BCAS3: variants seen among roughly 807,000 people sequenced by gnomAD.
BCAS3 encodes BCAS3 microtubule associated cell migration factor, also known as BCAS4/BCAS3 fusion.
In BCAS3, 53 loss-of-function variants were observed where a neutral mutation model predicts 116.1. That is an observed-to-expected ratio of 0.46 (90% CI 0.37 to 0.57). The LOEUF (loss-of-function observed/expected upper bound fraction) is 0.57. Among genes scored for constraint, BCAS3 ranks in the 20% least tolerant of loss-of-function variants. The probability of loss-of-function intolerance (pLI) is 0.00; values close to 1 mark genes in which losing one functional copy is unlikely to be tolerated. For missense variants in BCAS3, 917 were observed against 1,165.4 expected, an observed-to-expected ratio of 0.79 and a Z score of 3.10; for synonymous variants, 391 against 408.2, an observed-to-expected ratio of 0.96 and a Z score of 0.51.
chr17:61,022,613 A>T (rs2065958115), intron 16 of BCAS3, among the ~76,000 whole-genome samples: 1 of 152,134 alleles, frequency 6.6e-6, no homozygotes, highest in South Asian at 2.1e-4. Context: ...TGTTATGTTC[A>T]TCTCTTTTTT....
chr17:61,221,601 C>G (rs963500288), intron 22 of BCAS3, among the ~76,000 whole-genome samples: 4 of 152,140 alleles, frequency 2.6e-5, no homozygotes, highest in African/African-American at 9.7e-5. Flanking sequence ...AGTCTGTTTC[C>G]CCTTCACTTT....
rs764010859 is a variant in BCAS3, at chr17:61,324,104, A to G, written c.2426-44223A>G. On this transcript the variant is annotated intron_variant, in intron 22 of 23. Coordinates refer to ENST00000407086, the MANE Select transcript of BCAS3 (RefSeq NM_017679.5). This position sits in a 1 kb window ranked among gnomAD's most constrained non-coding sequence, Gnocchi z 4.6. ...AACCCTCTGCTAGATCACTTAGCAC[A>G]TGGGACATACTGGGACTCTTCCCAT... Among the ~76,000 whole-genome samples, 2 of 152,212 alleles carry G rather than the reference A, an allele frequency of 1.3e-5. No individual in the cohort carries two copies. Among genetic ancestry groups the G allele is most frequent in the Admixed American group, 6.5e-5 (1 of 15,284 alleles).
intron 14 of BCAS3, among the ~76,000 whole-genome samples, chr17:60,955,335 T>C (rs2061064132): frequency 6.6e-6 from 1 of 151,998 alleles, no homozygotes; most frequent in South Asian, 2.1e-4. Context: ...CCATTTTGGT[T>C]TCACTGATTG....
intron 7 of BCAS3, among the ~76,000 whole-genome samples, chr17:60,849,409 CT>C (rs1401965070): frequency 6.6e-6 from 1 of 151,920 alleles, no homozygotes; most frequent in Non-Finnish European, 1.5e-5. Context: ...TCCATGTACA[CT>C]TTCTGTTTTT....
At chr17:60,822,878 C>T (rs530514559) in intron 7 of BCAS3, among the ~76,000 whole-genome samples, 78 of 152,278 alleles carry the variant, frequency 5.1e-4, no homozygotes, top group Non-Finnish European at 8.1e-4. Context: ...GTGAAACCAC[C>T]ATAGTCATTA....
chr17:60,785,673 A>C (rs1242333195), intron 6 of BCAS3, among the ~76,000 whole-genome samples: 1 of 152,192 alleles, frequency 6.6e-6, no homozygotes, highest in Non-Finnish European at 1.5e-5. Flanking sequence ...AATTTACATG[A>C]AGTATTGAGT....
intron 22 of BCAS3, among the ~76,000 whole-genome samples, chr17:61,187,771 A>G (rs1033457016): frequency 6.6e-6 from 1 of 152,096 alleles, no homozygotes. Flanking sequence ...TTTGAGGTTA[A>G]GAGTGGATGG....
At chr17:60,733,082 A>C (rs2040620804) in intron 5 of BCAS3, among the ~76,000 whole-genome samples, 1 of 152,204 alleles carries the variant, frequency 6.6e-6, no homozygotes. Context: ...TCATTTATTG[A>C]GTGCCAATTA....
At chr17:60,752,231 A>T (rs1170122219) in intron 6 of BCAS3, among the ~76,000 whole-genome samples, 1 of 151,220 alleles carries the variant, frequency 6.6e-6, no homozygotes, top group African/African-American at 2.4e-5. Context: ...ACATTGTTTT[A>T]TTTCAGAACT....
At position 61,112,766 on chromosome 17, in the gene BCAS3, G is replaced by A. The variant is rs1405388244; in HGVS notation, c.2425+28202G>A. 4.0e-5 allele frequency among the ~76,000 whole-genome samples: 6 copies of A among 151,312 alleles called. No homozygotes were observed. In the East Asian group the frequency reaches 5.8e-4, roughly 15 times the overall value. On this transcript the variant is annotated intron_variant, in intron 22 of 23. Coordinates refer to ENST00000407086, the MANE Select transcript of BCAS3 (RefSeq NM_017679.5). ...TAGACATCTACAGAACTCTCCACCC[G>A]AAATCAACAGAATATACATTTTTTT... is the stretch of plus-strand genomic sequence containing the variant.
chr17:60,738,343 C>G (rs545175056), intron 5 of BCAS3, among the ~76,000 whole-genome samples: 1 of 152,278 alleles, frequency 6.6e-6, no homozygotes, highest in African/African-American at 2.4e-5. Context: ...ATCTCTTTCT[C>G]TTTGTCAATT....
intron 22 of BCAS3, among the ~76,000 whole-genome samples, chr17:61,166,395 T>C (rs1349872542): frequency 7.9e-6 from 1 of 125,792 alleles, no homozygotes; most frequent in Non-Finnish European, 1.7e-5. Flanking sequence ...CTCTCTCTTT[T>C]TTTTTTTTTT....
In BCAS3 at chr17:61,065,576, G is replaced by T. The variant is rs570740641; in HGVS notation, c.2030-9344G>T. ...CAAATTTCTCTGTTGCTAGAAAAAG[G>T]AATGTTGTTCCTCTAAATAACCTAA... On this transcript the variant is annotated intron_variant, in intron 19 of 23. Coordinates refer to ENST00000407086, the MANE Select transcript of BCAS3 (RefSeq NM_017679.5). The surrounding 1 kb of genome is among the most constrained non-coding windows in gnomAD (Gnocchi z 4.8). Among the ~76,000 whole-genome samples the T allele has an allele frequency of 6.6e-6, 1 of 152,308 alleles. No homozygotes were observed. The highest frequency in any genetic ancestry group is 2.4e-5 in the African/African-American group (1 of 41,576).
chr17:61,316,028 G>A lies in BCAS3; in HGVS notation c.2426-52299G>A, dbSNP rs2054703146. Among the ~76,000 whole-genome samples the A allele has an allele frequency of 6.6e-6, 1 of 152,196 alleles. No homozygotes were observed. The highest frequency in any genetic ancestry group is 1.5e-5 in the Non-Finnish European group (1 of 68,036). On this transcript the variant is annotated intron_variant, in intron 22 of 23. Coordinates refer to ENST00000407086, the MANE Select transcript of BCAS3 (RefSeq NM_017679.5). This position sits in a 1 kb window ranked among gnomAD's most constrained non-coding sequence, Gnocchi z 5.8. Reference sequence around the variant, plus strand: ...GACCATCTATAGCAGGTGCTGGCCAGGCGTGGTGGCTCACACCTTTGATCC... The same window carrying A: ...GACCATCTATAGCAGGTGCTGGCCAAGCGTGGTGGCTCACACCTTTGATCC...
At position 61,278,708 on chromosome 17, in the gene BCAS3, T is replaced by C. The variant is rs77990850; in HGVS notation, c.2426-89619T>C. Among the ~76,000 whole-genome samples the C allele has an allele frequency of 0.022, 3,369 of 152,156 alleles. 130 individuals carry two copies. The highest frequency in any genetic ancestry group is 0.076 in the African/African-American group (3,145 of 41,490). ...CTGCAGCAAAGATCAGCCTTGAAAA[T>C]ATTTGTGACTGGAAGAACCAGCCAG... On this transcript the variant is annotated intron_variant, in intron 22 of 23. Transcript: ENST00000407086. The surrounding 1 kb of genome is among the most constrained non-coding windows in gnomAD (Gnocchi z 5.8).
At chr17:61,143,665 C>G (rs2077043683) in intron 22 of BCAS3, among the ~76,000 whole-genome samples, 4 of 152,158 alleles carry the variant, frequency 2.6e-5, no homozygotes, top group Middle Eastern at 3.4e-3. Context: ...AAAAATTAGC[C>G]CGGCATGGTG....
Position 61,302,192 on chromosome 17 carries a change from G to A in BCAS3, c.2426-66135G>A, listed in dbSNP as rs954451089. Among the ~76,000 whole-genome samples the A allele has an allele frequency of 1.3e-5, 2 of 152,072 alleles. No individual in the cohort carries two copies. The highest frequency in any genetic ancestry group is 4.8e-5 in the African/African-American group (2 of 41,426). ...ACTCCCCCCTCCCCCGACTCCCAGG[G>A]TTCTCCTGTTCTCTCTGGTGTATTA... On this transcript the variant is annotated intron_variant, in intron 22 of 23. Coordinates refer to ENST00000407086, the MANE Select transcript of BCAS3 (RefSeq NM_017679.5). The surrounding 1 kb of genome is among the most constrained non-coding windows in gnomAD (Gnocchi z 4.4).
intron 6 of BCAS3, among the ~76,000 whole-genome samples, chr17:60,770,962 T>C (rs1340997770): frequency 1.3e-5 from 2 of 149,506 alleles, no homozygotes; most frequent in South Asian, 4.3e-4. Context: ...ATTACAGGTG[T>C]GTGCCACCAC....
At chr17:60,748,196 T>G (rs1304253171) in intron 6 of BCAS3, among the ~76,000 whole-genome samples, 1 of 152,240 alleles carries the variant, frequency 6.6e-6, no homozygotes, top group Non-Finnish European at 1.5e-5. Flanking sequence ...GTGAGAAAGA[T>G]GTTTTTGAAA....
Sources: gnomAD v4.1 joint callset for allele counts (sites outside exome capture counted in the v4.1 genomes callset) on GRCh38, gnomAD v4.1.1 for gene constraint, Gnocchi (gnomAD v3.1) non-coding constraint, MANE v1.5 for transcripts, NCBI Gene and HGNC (gene_info 2026-07-23, HGNC 2026-07-21) for gene names.